Variants in CDH12 observed in about 807,000 individuals in gnomAD.
The protein encoded by CDH12 is cadherin 12.
Under a neutral mutation model 74.1 loss-of-function variants are expected in CDH12, and 41 were observed. That is an observed-to-expected ratio of 0.55 (90% CI 0.43 to 0.72). The LOEUF (loss-of-function observed/expected upper bound fraction) is 0.72, where lower values mean the gene tolerates loss of function less well. Ranked by LOEUF, CDH12 falls within the 30% of genes least tolerant of loss-of-function variation. CDH12 has a pLI of 0.00. For synonymous variants in CDH12, 399 were observed against 355.0 expected (o/e 1.12, Z -1.39); for missense variants, 945 against 977.2 (o/e 0.97, Z 0.44).
In CDH12 at chr5:22,069,833, T is replaced by C. The variant is rs115865060; in HGVS notation, c.231+8613A>G. On this transcript the variant is annotated intron_variant, in intron 5 of 14. Coordinates refer to ENST00000382254, the MANE Select transcript of CDH12 (RefSeq NM_004061.5). ...ATATTACCTTGCCCTGTGATTAAAG[T>C]CAATGGAAAACTACAACAAACCAAT... 7.3e-3 allele frequency among the ~76,000 whole-genome samples: 1,109 copies of C among 152,230 alleles called. 12 individuals are homozygous for C. The highest frequency in any genetic ancestry group is 0.026 in the African/African-American group (1,064 of 41,544).
At chr5:22,263,387 T>G (rs993215070) in intron 3 of CDH12, among the ~76,000 whole-genome samples, 5 of 152,126 alleles carry the variant, frequency 3.3e-5, no homozygotes, top group African/African-American at 9.7e-5. Flanking sequence ...TAGAAAAGGA[T>G]TCCATTGCAA....
At chr5:22,415,066 T>C (rs772635684) in intron 2 of CDH12, among the ~76,000 whole-genome samples, 2 of 152,074 alleles carry the variant, frequency 1.3e-5, no homozygotes, top group Non-Finnish European at 2.9e-5. Context: ...TCTTAAACTT[T>C]TAGACTTTGC....
At chr5:22,166,804 C>A (rs557225389) in intron 4 of CDH12, among the ~76,000 whole-genome samples, 2 of 152,078 alleles carry the variant, frequency 1.3e-5, no homozygotes, top group South Asian at 4.1e-4. Context: ...TGAAAAAATT[C>A]TTACTTTTAG....
intron 6 of CDH12, among the ~76,000 whole-genome samples, chr5:21,944,402 T>G (rs1490266322): frequency 2.6e-5 from 4 of 152,168 alleles, no homozygotes; most frequent in Non-Finnish European, 5.9e-5. Context: ...TGGTACTATA[T>G]GTTGCTGTTA....
chr5:22,577,255 G>T (rs1243126265), intron 1 of CDH12, among the ~76,000 whole-genome samples: 1 of 152,190 alleles, frequency 6.6e-6, no homozygotes, highest in African/African-American at 2.4e-5. Context: ...TGTGTGGGAA[G>T]TTGCCTGCCC....
chr5:22,175,105 T>C (rs7702067), intron 4 of CDH12, among the ~76,000 whole-genome samples: 48,245 of 151,846 alleles, frequency 0.32, 7,977 homozygotes, highest in South Asian at 0.38. Context: ...ACCCTCATTC[T>C]CAATCAATTA....
At chr5:22,444,326 C>A (rs1378036733) in intron 2 of CDH12, among the ~76,000 whole-genome samples, 1 of 151,896 alleles carries the variant, frequency 6.6e-6, no homozygotes. Flanking sequence ...AACATTAATT[C>A]TCATAGGAAA....
rs936677455 is a variant in CDH12, at chr5:22,045,645, A to G, written c.231+32801T>C. Among the ~76,000 whole-genome samples, 6 of 152,014 alleles carry G rather than the reference A, an allele frequency of 3.9e-5. No homozygotes were observed. The East Asian group carries it at 9.7e-4, about 25-fold the overall frequency. On this transcript the variant is annotated intron_variant, in intron 5 of 14. Transcript: ENST00000382254. ...ATAAAATCTTGTCTTTTGGGACAAT[A>G]TAGATAAAGTTGGAGGGCATTATGT...
chr5:21,998,615 G>A (rs1447222518), intron 5 of CDH12, among the ~76,000 whole-genome samples: 1 of 152,022 alleles, frequency 6.6e-6, no homozygotes, highest in Non-Finnish European at 1.5e-5. Flanking sequence ...CCTTATAATT[G>A]GCTGGGTAAA....
intron 8 of CDH12, among the ~76,000 whole-genome samples, chr5:21,825,547 C>T (rs1161798660): frequency 6.6e-6 from 1 of 152,090 alleles, no homozygotes; most frequent in East Asian, 1.9e-4. Flanking sequence ...ATTCTAGTTA[C>T]CCCCATCATT....
At chr5:22,555,186 A>G (rs893246249) in intron 1 of CDH12, among the ~76,000 whole-genome samples, 3 of 152,044 alleles carry the variant, frequency 2.0e-5, no homozygotes, top group Non-Finnish European at 2.9e-5. Context: ...TTTTCTTTCA[A>G]AGAAAAGGAG....
intron 1 of CDH12, among the ~76,000 whole-genome samples, chr5:22,852,225 G>A (rs955365273): frequency 2.0e-5 from 3 of 152,154 alleles, no homozygotes; most frequent in African/African-American, 7.2e-5. Flanking sequence ...AGAGAAATGT[G>A]TATAAGAGAT....
At chr5:22,138,576 C>A (rs923714090) in intron 4 of CDH12, among the ~76,000 whole-genome samples, 7 of 150,400 alleles carry the variant, frequency 4.7e-5, no homozygotes, top group South Asian at 2.1e-4. Context: ...TAAATGAATT[C>A]TTCTTGAATT....
At chr5:22,789,816 A>G (rs967107251) in intron 1 of CDH12, among the ~76,000 whole-genome samples, 17 of 151,890 alleles carry the variant, frequency 1.1e-4, no homozygotes, top group Admixed American at 9.2e-4. Flanking sequence ...TTTACCAATG[A>G]TGATGTAACT....
At chr5:22,524,402 T>C (rs1467396732) in intron 1 of CDH12, among the ~76,000 whole-genome samples, 1 of 152,204 alleles carries the variant, frequency 6.6e-6, no homozygotes, top group Non-Finnish European at 1.5e-5. Context: ...TCCCTTTCCC[T>C]TTGGAAACAC....
intron 4 of CDH12, among the ~76,000 whole-genome samples, chr5:22,090,711 G>A (rs960003802): frequency 2.6e-5 from 4 of 151,484 alleles, no homozygotes; most frequent in Non-Finnish European, 5.9e-5. Flanking sequence ...AGCAAAATAC[G>A]AAAGAGATTA....
intron 5 of CDH12, among the ~76,000 whole-genome samples, chr5:21,986,776 T>C (rs1757533518): frequency 6.6e-6 from 1 of 152,140 alleles, no homozygotes; most frequent in Admixed American, 6.5e-5. Context: ...AATACATTAC[T>C]ATAGTTACAT....
chr5:22,456,986 A>T (rs1407179889), intron 2 of CDH12, among the ~76,000 whole-genome samples: 3 of 151,240 alleles, frequency 2.0e-5, no homozygotes, highest in Non-Finnish European at 4.4e-5. Flanking sequence ...TTTTTTTCTT[A>T]AAAAAAAGAA....
Position 21,755,906 on chromosome 5 carries a change from G to T in CDH12, c.1634-64C>A, listed in dbSNP as rs1302474222. ...AGCTTCACTTCAAATCTTCAAGTTG[G>T]TATCTGCTCAATAGTAAGAAGCTCT... is the stretch of plus-strand genomic sequence containing the variant. On this transcript the variant is annotated intron_variant, in intron 13 of 14. Transcript: ENST00000382254. 2.7e-6 allele frequency: 4 copies of T among 1,487,814 alleles called. No individual in the cohort carries two copies. In the African/African-American group the frequency reaches 5.5e-5, roughly 21 times the overall value. 92.2% of individuals were successfully genotyped at this position (1,487,814 alleles called of 1,614,324 possible). A position where few individuals can be genotyped will look rare whatever the true frequency, so the allele number is the denominator to read the frequency against.
Sources: gnomAD v4.1 joint callset for allele counts (sites outside exome capture counted in the v4.1 genomes callset) on GRCh38, gnomAD v4.1.1 for gene constraint, MANE v1.5 for transcripts, NCBI Gene and HGNC (gene_info 2026-07-23, HGNC 2026-07-21) for gene names.